FSD1L: variants seen among roughly 807,000 people sequenced by gnomAD.
The protein encoded by FSD1L is FSD1-like protein.
In FSD1L, 45 loss-of-function variants were observed where a neutral mutation model predicts 71.6. The observed-to-expected ratio is 0.63, with a 90% CI of 0.49 to 0.81. The LOEUF is 0.81. Among genes scored for constraint, FSD1L ranks in the 30% least tolerant of loss-of-function variants. The pLI is 0.00. For missense variants in FSD1L, 561 were observed against 618.1 expected (o/e 0.91, Z 0.98); for synonymous variants, 197 against 207.2 (o/e 0.95, Z 0.42).
chr9:105,454,401 A>G (rs1830236122), intron 1 of FSD1L, among the ~76,000 whole-genome samples: 1 of 152,212 alleles, frequency 6.6e-6, no homozygotes, highest in Admixed American at 6.5e-5. Flanking sequence ...TATCACAGAT[A>G]AGCATCCTTG....
At chr9:105,477,679 A>G (rs1339414858) in intron 5 of FSD1L, among the ~76,000 whole-genome samples, 1 of 152,186 alleles carries the variant, frequency 6.6e-6, no homozygotes, top group African/African-American at 2.4e-5. Context: ...TTACATTAAA[A>G]TCTTTGTTTT....
Position 105,550,124 on chromosome 9 carries a change from A to C in FSD1L, c.*3641A>C, listed in dbSNP as rs1837208235. On this transcript the variant is annotated 3_prime_UTR_variant, in exon 14 of 14. Transcript: ENST00000481272. ...TTACTTTGTATGTACATTAACCAAA[A>C]CCAGTGAAGTTTGATGGACTGTGCA... 1 of 152,038 alleles carries C rather than the reference A, an allele frequency of 6.6e-6. No homozygotes were observed. The highest frequency in any genetic ancestry group is 2.4e-5 in the African/African-American group (1 of 41,454). The allele number at this position is 152,038 out of a possible 1,614,324, so 9.4% of individuals were successfully genotyped here. A position where few individuals can be genotyped will look rare whatever the true frequency, so the allele number is the denominator to read the frequency against.
chr9:105,539,021 C>T (rs1037736867), intron 12 of FSD1L, among the ~76,000 whole-genome samples: 4 of 152,096 alleles, frequency 2.6e-5, no homozygotes, highest in Admixed American at 2.0e-4. Flanking sequence ...TTAAATAAGT[C>T]GAATCGTGCT....
intron 7 of FSD1L, among the ~76,000 whole-genome samples, chr9:105,495,600 G>A (rs990179791): frequency 6.6e-6 from 1 of 152,230 alleles, no homozygotes; most frequent in Non-Finnish European, 1.5e-5. Flanking sequence ...CGTAGCTCAC[G>A]CTGGGAGCTG....
At chr9:105,453,502 T>C (rs1830179971) in intron 1 of FSD1L, among the ~76,000 whole-genome samples, 1 of 152,032 alleles carries the variant, frequency 6.6e-6, no homozygotes, top group South Asian at 2.1e-4. Context: ...TTTGTGTGTG[T>C]GTGTGTGTGC....
At chr9:105,496,667 G>C (rs1833429411) in intron 7 of FSD1L, among the ~76,000 whole-genome samples, 1 of 152,178 alleles carries the variant, frequency 6.6e-6, no homozygotes, top group Non-Finnish European at 1.5e-5. Flanking sequence ...AAATGGTATT[G>C]TGTTTTAATT....
chr9:105,537,373 TA>T (rs1836335318), intron 12 of FSD1L, among the ~76,000 whole-genome samples: 1 of 152,250 alleles, frequency 6.6e-6, no homozygotes, highest in Admixed American at 6.5e-5. Flanking sequence ...TTTTGTTTTT[TA>T]ACTTATTCAC....
Position 105,506,413 on chromosome 9 carries a change from G to C in FSD1L, c.601G>C (p.Glu201Gln). 1.3e-6 allele frequency: 2 copies of C among 1,550,472 alleles called. No homozygotes were observed. The highest frequency in any genetic ancestry group is 1.7e-6 in the Non-Finnish European group (2 of 1,146,296). The change falls in exon 8 of 14, where the codon GAG (glutamate) becomes CAG (glutamine). Residue 201 changes from glutamate to glutamine, a missense_variant. This residue lies in a region of FSD1L where 410 missense variants were observed against 413.5 expected (regional missense o/e 0.99). Coordinates refer to ENST00000481272, the MANE Select transcript of FSD1L (RefSeq NM_001145313.3). ...CTTCTTTGCAGTCCCCAAAGCTCCA[G>C]AGATAGATCCAGTAGAGTGTTTGGT... ...LKFLPVPKAPEIDPVECLVAD... is the reference protein window; with the variant it reads ...LKFLPVPKAPQIDPVECLVAD...
chr9:105,519,171 C>A (rs1293523573), intron 10 of FSD1L, among the ~76,000 whole-genome samples: 2 of 152,036 alleles, frequency 1.3e-5, no homozygotes, highest in Non-Finnish European at 2.9e-5. Flanking sequence ...AATAGCCTAG[C>A]AACCAAAAAA....
chr9:105,494,430 T>C (rs1833200588), intron 7 of FSD1L, among the ~76,000 whole-genome samples: 1 of 152,210 alleles, frequency 6.6e-6, no homozygotes, highest in African/African-American at 2.4e-5. Flanking sequence ...TTTCAACTTC[T>C]TTGCCTTTGG....
At position 105,493,468 on chromosome 9, in the gene FSD1L, T is replaced by C. The variant is rs554540266; in HGVS notation, c.586+8966T>C. Among the ~76,000 whole-genome samples the C allele has an allele frequency of 6.2e-3, 934 of 151,628 alleles. 11 individuals carry two copies. The highest frequency in any genetic ancestry group is 0.021 in the African/African-American group (883 of 41,520). ...ACTCTTTATCCAATTTGCCAGTCTG[T>C]GTCTTTTAATTGGAGCATTTAGTCC... is the stretch of plus-strand genomic sequence containing the variant. On this transcript the variant is annotated intron_variant, in intron 7 of 13. Coordinates refer to ENST00000481272, the MANE Select transcript of FSD1L (RefSeq NM_001145313.3).
chr9:105,468,735 TC>T (rs201759045), intron 4 of FSD1L, among the ~76,000 whole-genome samples: 3,563 of 152,234 alleles, frequency 0.023, 154 homozygotes, highest in African/African-American at 0.082. Context: ...CCTCAGGTGA[TC>T]CACCCGTCTT....
chr9:105,523,329 C>T, intron 10 of FSD1L: 1 of 1,591,650 alleles, frequency 6.3e-7, no homozygotes, highest in Non-Finnish European at 8.6e-7. Flanking sequence ...GAAGCTCCAC[C>T]ACGCTGTTCT....
rs1835450422 is a variant in FSD1L at position 105,525,470 on chromosome 9, A to G, written c.1026-9023A>G. 2.5e-6 allele frequency: 4 copies of G among 1,609,088 alleles called. No homozygotes were observed. In the East Asian group the frequency reaches 6.7e-5, roughly 27 times the overall value. ...AAAGAATTTGTTGAGAAGCACTTTA[A>G]TGACTTAAACATGAAAGCTGTGGAA... On this transcript the variant is annotated intron_variant, in intron 10 of 13. Transcript: ENST00000481272.
At chr9:105,508,949 G>A (rs903397409) in intron 9 of FSD1L, among the ~76,000 whole-genome samples, 1 of 152,130 alleles carries the variant, frequency 6.6e-6, no homozygotes, top group African/African-American at 2.4e-5. Context: ...TGATGGTATT[G>A]TATTCTCTGG....
In FSD1L at chr9:105,448,121, G is replaced by T. The variant is rs1234828832; in HGVS notation, c.-100G>T. ...CCGGGCGGTGCCGGTGCGGGCTGGG[G>T]CAGTGCAGTGAGTAGCGGTCTTGGG... On this transcript the variant is annotated 5_prime_UTR_variant, in exon 1 of 14. Transcript: ENST00000481272. 5 of 1,275,410 alleles carry T rather than the reference G, an allele frequency of 3.9e-6. No homozygotes were observed. In the East Asian group the frequency reaches 1.4e-4, roughly 34 times the overall value. The allele number at this position is 1,275,410 out of a possible 1,614,324, so 79.0% of individuals were successfully genotyped here. A position where few individuals can be genotyped will look rare whatever the true frequency, so the allele number is the denominator to read the frequency against.
At chr9:105,487,306 T>A (rs990392084) in intron 7 of FSD1L, among the ~76,000 whole-genome samples, 1 of 152,126 alleles carries the variant, frequency 6.6e-6, no homozygotes, top group South Asian at 2.1e-4. Context: ...GAAGTGGAAG[T>A]ACATTTTTAT....
At chr9:105,449,389 G>A (rs1472672407) in intron 1 of FSD1L, among the ~76,000 whole-genome samples, 3 of 152,218 alleles carry the variant, frequency 2.0e-5, no homozygotes, top group African/African-American at 7.2e-5. Flanking sequence ...TTTTGAGTAT[G>A]TATAGGTTTA....
At chr9:105,498,673 T>C (rs531905521) in intron 7 of FSD1L, among the ~76,000 whole-genome samples, 1 of 152,380 alleles carries the variant, frequency 6.6e-6, no homozygotes, top group African/African-American at 2.4e-5. Context: ...CTCTAAGCAC[T>C]ATTTTCGTTG....
Sources: allele counts gnomAD v4.1 joint callset (sites outside exome capture counted in the v4.1 genomes callset), GRCh38; gene constraint gnomAD v4.1.1; regional missense constraint gnomAD v4.1.1; transcripts MANE v1.5; gene names NCBI Gene and HGNC (gene_info 2026-07-23, HGNC 2026-07-21).